ALK: variants seen among roughly 807,000 people sequenced by gnomAD.
The protein encoded by ALK is ALK tyrosine kinase receptor.
In ALK, 74 loss-of-function variants were observed where a neutral mutation model predicts 163.1. That is an observed-to-expected ratio of 0.45 (90% CI 0.38 to 0.55). The LOEUF (loss-of-function observed/expected upper bound fraction) is 0.55. Ranked by LOEUF, ALK falls within the 20% of genes least tolerant of loss-of-function variation. The pLI, the probability that ALK is intolerant of heterozygous loss-of-function variation, is 0.00. For missense variants in ALK, 2,063 were observed against 2,105.3 expected (o/e 0.98, Z 0.39); for synonymous variants, 960 against 843.2 (o/e 1.14, Z -2.40).
intron 1 of ALK, among the ~76,000 whole-genome samples, chr2:29,753,659 C>T (rs1238586609): frequency 2.6e-5 from 4 of 152,060 alleles, no homozygotes; most frequent in South Asian, 2.1e-4. Flanking sequence ...AATAAGTCAC[C>T]CTGCTACCTG....
intron 1 of ALK, among the ~76,000 whole-genome samples, chr2:29,903,642 G>A (rs1022957352): frequency 1.3e-5 from 2 of 152,154 alleles, no homozygotes; most frequent in Non-Finnish European, 2.9e-5. Context: ...TAACAAAGCA[G>A]CTCTGGTGAG....
chr2:29,627,578 T>G (rs1241882289), intron 3 of ALK, among the ~76,000 whole-genome samples: 3 of 152,192 alleles, frequency 2.0e-5, no homozygotes, highest in African/African-American at 7.2e-5. Flanking sequence ...GCTGCCTAAC[T>G]GCTGAGACCC....
At chr2:29,714,699 C>T (rs951938530) in intron 2 of ALK, among the ~76,000 whole-genome samples, 8 of 152,294 alleles carry the variant, frequency 5.3e-5, no homozygotes, top group Middle Eastern at 3.4e-3. Context: ...GTCTGAAGAA[C>T]GATCCCTTCA....
intron 24 of ALK, among the ~76,000 whole-genome samples, chr2:29,213,748 C>G (rs1045183457): frequency 1.3e-5 from 2 of 152,066 alleles, no homozygotes; most frequent in African/African-American, 4.8e-5. Context: ...TTTCAGGAGG[C>G]CAAGGTGGGA....
At chr2:29,495,021 A>G (rs2148127478) in intron 4 of ALK, among the ~76,000 whole-genome samples, 1 of 152,300 alleles carries the variant, frequency 6.6e-6, no homozygotes, top group East Asian at 1.9e-4. Context: ...TGATGCTTTC[A>G]CCCAAGATGC....
chr2:29,452,400 T>TTGATG (rs1407859528), intron 4 of ALK, among the ~76,000 whole-genome samples: 3 of 151,998 alleles, frequency 2.0e-5, no homozygotes, highest in African/African-American at 7.3e-5. Flanking sequence ...GAGGACTTCC[T>TTGATG]TGATGTGCCC....
chr2:29,536,333 G>T (rs369366252), intron 3 of ALK, among the ~76,000 whole-genome samples: 101 of 152,134 alleles, frequency 6.6e-4, no homozygotes, highest in African/African-American at 2.4e-3. Context: ...GTGAGATCTG[G>T]TTATTTAAAA....
intron 3 of ALK, among the ~76,000 whole-genome samples, chr2:29,583,815 C>T (rs145479604): frequency 4.3e-4 from 66 of 152,328 alleles, no homozygotes; most frequent in African/African-American, 1.4e-3. Flanking sequence ...AATGACCAGT[C>T]TTCAGTGGAA....
At chr2:29,460,788 G>T (rs1170420092) in intron 4 of ALK, among the ~76,000 whole-genome samples, 2 of 152,004 alleles carry the variant, frequency 1.3e-5, no homozygotes, top group Non-Finnish European at 2.9e-5. Context: ...CCCTACAATG[G>T]CCTCTAAGTG....
chr2:29,203,485 C>CTTTTTTTTTTTTTTTTTTTTTTTTTTTT lies in ALK; in HGVS notation c.3938+3685_3938+3686insAAAAAAAAAAAAAAAAAAAAAAAAAAAA. On this transcript the variant is annotated intron_variant, in intron 26 of 28. Transcript: ENST00000389048. ...TATCACCATTGGCCTGAGGATGTGCCTTTTTTTTTTTTTTTTTTTTTTTTT... is the reference window on the plus strand; with the variant it reads ...TATCACCATTGGCCTGAGGATGTGCCTTTTTTTTTTTTTTTTTTTTTTTTTTTTTTTTTTTTTTTTTTTTTTTTTTTTT... Among the ~76,000 whole-genome samples the CTTTTTTTTTTTTTTTTTTTTTTTTTTTT allele has an allele frequency of 3.6e-3, 118 of 32,548 alleles. 54 individuals are homozygous for CTTTTTTTTTTTTTTTTTTTTTTTTTTTT. Among genetic ancestry groups the CTTTTTTTTTTTTTTTTTTTTTTTTTTTT allele is most frequent in the Middle Eastern group, 0.091 (2 of 22 alleles). The allele number at this position is 32,548 out of a possible 152,430, so 21.4% of individuals were successfully genotyped here. A position where few individuals can be genotyped will look rare whatever the true frequency, so the allele number is the denominator to read the frequency against.
At chr2:29,206,315 A>G (rs1421664124) in intron 26 of ALK, among the ~76,000 whole-genome samples, 1 of 139,822 alleles carries the variant, frequency 7.2e-6, no homozygotes, top group Non-Finnish European at 1.5e-5. Context: ...TTGCTTGCCC[A>G]GGCTGGAGTG....
At chr2:29,805,631 A>C (rs1385130340) in intron 1 of ALK, among the ~76,000 whole-genome samples, 1 of 152,088 alleles carries the variant, frequency 6.6e-6, no homozygotes, top group East Asian at 1.9e-4. Context: ...GCTGAGGATA[A>C]TGGCTTCCAG....
chr2:29,296,740 TGC>T, intron 9 of ALK, 146 bp downstream of exon 9: 1 of 801,046 alleles, frequency 1.2e-6, no homozygotes, highest in Non-Finnish European at 2.1e-6. Context: ...TGTGTGTGTG[TGC>T]ACGTGCGTGC....
chr2:29,378,649 G>A (rs951187437), intron 5 of ALK, among the ~76,000 whole-genome samples: 1 of 152,116 alleles, frequency 6.6e-6, no homozygotes, highest in Non-Finnish European at 1.5e-5. Flanking sequence ...AGCTAGATGA[G>A]GGTTTGCAAT....
At chr2:29,541,534 A>C (rs1162076658) in intron 3 of ALK, among the ~76,000 whole-genome samples, 2 of 152,130 alleles carry the variant, frequency 1.3e-5, no homozygotes, top group Non-Finnish European at 1.5e-5. Flanking sequence ...CAAGTGATCC[A>C]CCTGCCTTAG....
At chr2:29,336,560 A>G (rs1159707806) in intron 5 of ALK, among the ~76,000 whole-genome samples, 1 of 152,182 alleles carries the variant, frequency 6.6e-6, no homozygotes, top group East Asian at 1.9e-4. Flanking sequence ...GTCAGGTTAC[A>G]TGAATTCCTG....
Position 29,507,796 on chromosome 2 carries a change from G to T in ALK, c.1154+24119C>A, listed in dbSNP as rs575596735. ...AGCTGACTGAGTCCTGACTTAAGAT[G>T]GCCCTCATGGTACAGAGAGGGGCCA... On this transcript the variant is annotated intron_variant, in intron 4 of 28. Transcript: ENST00000389048. 5.3e-5 allele frequency among the ~76,000 whole-genome samples: 8 copies of T among 152,240 alleles called. No individual in the cohort carries two copies. In the South Asian group the frequency reaches 1.7e-3, roughly 32 times the overall value.
At chr2:29,669,418 C>T (rs181947534) in intron 3 of ALK, among the ~76,000 whole-genome samples, 3 of 152,028 alleles carry the variant, frequency 2.0e-5, no homozygotes, top group Admixed American at 6.6e-5. Context: ...ATAGCTGCTC[C>T]TGTCCTTTTT....
chr2:29,404,965 T>G (rs191841798), intron 4 of ALK, among the ~76,000 whole-genome samples: 226 of 152,314 alleles, frequency 1.5e-3, no homozygotes, highest in African/African-American at 5.4e-3. Context: ...ACCTGATTGC[T>G]CAAGACTTTT....
Sources: gnomAD v4.1 joint callset for allele counts (sites outside exome capture counted in the v4.1 genomes callset) on GRCh38, gnomAD v4.1.1 for gene constraint, MANE v1.5 for transcripts, NCBI Gene and HGNC (gene_info 2026-07-23, HGNC 2026-07-21) for gene names.